Variants in TMEM171 observed in about 807,000 individuals in gnomAD.
The protein encoded by TMEM171 is transmembrane protein 171.
A neutral mutation model predicts 19.1 loss-of-function variants in TMEM171; 16 were observed. The ratio of observed to expected loss-of-function variants is 0.84; its 90% confidence interval spans 0.57 to 1.27. The LOEUF is 1.27. Among genes scored for constraint, TMEM171 ranks in the 50% most tolerant of loss-of-function variants. TMEM171 has a pLI of 0.00. For missense variants in TMEM171, 429 were observed against 412.7 expected, an observed-to-expected ratio of 1.04 and a Z score of -0.34; for synonymous variants, 153 against 163.4, an observed-to-expected ratio of 0.94 and a Z score of 0.48.
chr5:73,124,130 A>ATGTG (rs1744102624), intron 2 of TMEM171, 117 bp downstream of exon 2: 1 of 907,630 alleles, frequency 1.1e-6, no homozygotes, highest in Admixed American at 3.0e-5. Context: ...TCTCTCACAC[A>ATGTG]TGTGTGTGCA....
In TMEM171 at chr5:73,127,963, T is replaced by C. The variant is rs541988237; in HGVS notation, c.641-427T>C. Among the ~76,000 whole-genome samples the C allele has an allele frequency of 3.5e-4, 53 of 152,256 alleles. 1 individual carries two copies. The South Asian group carries it at 0.011, about 31-fold the overall frequency. On this transcript the variant is annotated intron_variant, in intron 2 of 3. Transcript: ENST00000454765. ...TAGCGCTGTGTTGCCCAGGCTGGTC[T>C]CCAACTCCTGGGCTCAAGCGATCCT...
At chr5:73,128,600 T>C (rs553604132) in intron 3 of TMEM171, 69 bp downstream of exon 3, 1 of 1,559,274 alleles carries the variant, frequency 6.4e-7, no homozygotes, top group African/African-American at 1.4e-5. Context: ...GGCTGTGTGG[T>C]TCACCAGGAG....
At position 73,123,583 on chromosome 5, in the gene TMEM171, G is replaced by A. The variant is rs7731777; in HGVS notation, c.210G>A (p.Gly70=). ...CGGGGCCTGCATGTGCCGTGGTTGG[G>A]CTTGGGGCTGTGATCCTGGCCCGCT... ...KVAGPACAVV[G]LGAVILARSR... is the part of the protein sequence containing the mutation. The change falls in exon 2 of 4, where the codon GGG becomes GGA. Residue 70 remains glycine (G), a synonymous_variant. Coordinates refer to ENST00000454765, the MANE Select transcript of TMEM171 (RefSeq NM_173490.8). The A allele has an allele frequency of 4.5e-4, 725 of 1,614,222 alleles. No homozygotes were observed. Among genetic ancestry groups the A allele is most frequent in the Non-Finnish European group, 5.8e-4 (679 of 1,180,046 alleles).
intron 1 of TMEM171, 108 bp downstream of exon 1, chr5:73,120,804 T>C: frequency 2.1e-6 from 2 of 944,366 alleles, no homozygotes; most frequent in Non-Finnish European, 2.5e-6. Context: ...GCGCTGGGTA[T>C]CCGAGCCCAA....
intron 1 of TMEM171, among the ~76,000 whole-genome samples, chr5:73,122,866 AAGTT>A (rs1183803811): frequency 6.6e-6 from 1 of 152,214 alleles, no homozygotes; most frequent in Non-Finnish European, 1.5e-5. Context: ...AGGAAATGGA[AAGTT>A]AGTTACTGAA....
chr5:73,124,457 T>C (rs1421136770), intron 2 of TMEM171, among the ~76,000 whole-genome samples: 1 of 152,226 alleles, frequency 6.6e-6, no homozygotes, highest in Admixed American at 6.5e-5. Flanking sequence ...TGTCACTAGC[T>C]GGCTGTCCTT....
intron 2 of TMEM171, among the ~76,000 whole-genome samples, chr5:73,127,736 C>A (rs368842756): frequency 7.1e-6 from 1 of 141,156 alleles, no homozygotes; most frequent in Admixed American, 7.1e-5. Context: ...TGAGCCACCA[C>A]GCCTGGCTTT....
At chr5:73,122,806 A>T (rs1009667020) in intron 1 of TMEM171, among the ~76,000 whole-genome samples, 1 of 152,226 alleles carries the variant, frequency 6.6e-6, no homozygotes, top group African/African-American at 2.4e-5. Flanking sequence ...TCTTTTGTAG[A>T]TGTAGCCTTA....
rs1203777299 is a variant in TMEM171, at chr5:73,127,381, AAAAAT to A, written c.641-1007_641-1003del. ...AAAAAATTTGTGGTAAAAAAAAAAA[AAAAAT>A]ATATATATATATATATATATAAAGC... On this transcript the variant is annotated intron_variant, in intron 2 of 3. Coordinates refer to ENST00000454765, the MANE Select transcript of TMEM171 (RefSeq NM_173490.8). 7.5e-3 allele frequency among the ~76,000 whole-genome samples: 690 copies of A among 92,286 alleles called. 18 individuals carry two copies. Among genetic ancestry groups the A allele is most frequent in the Middle Eastern group, 0.036 (7 of 196 alleles). 60.5% of individuals were successfully genotyped at this position (92,286 alleles called of 152,430 possible).
At chr5:73,121,558 A>C (rs992130179) in intron 1 of TMEM171, among the ~76,000 whole-genome samples, 9 of 152,192 alleles carry the variant, frequency 5.9e-5, no homozygotes, top group African/African-American at 1.9e-4. Context: ...CTTAATAAAA[A>C]ATGGGAAGAT....
At chr5:73,126,396 G>A (rs1744164765) in intron 2 of TMEM171, among the ~76,000 whole-genome samples, 1 of 152,208 alleles carries the variant, frequency 6.6e-6, no homozygotes, top group Admixed American at 6.5e-5. Context: ...AAGGGGAGAT[G>A]GAATTAATGC....
chr5:73,130,126 C>T (rs703872), intron 3 of TMEM171, among the ~76,000 whole-genome samples: 17,419 of 151,522 alleles, frequency 0.11, 1,846 homozygotes, highest in East Asian at 0.34. Context: ...CTGATGGTGG[C>T]GGTACAGTGA....
intron 3 of TMEM171, among the ~76,000 whole-genome samples, chr5:73,129,814 G>T (rs371171324): frequency 2.6e-5 from 4 of 152,192 alleles, no homozygotes; most frequent in African/African-American, 9.7e-5. Flanking sequence ...TGGGTGACTG[G>T]CTAAAGTCAG....
chr5:73,127,061 G>A (rs1377149814), intron 2 of TMEM171, among the ~76,000 whole-genome samples: 2 of 152,116 alleles, frequency 1.3e-5, no homozygotes, highest in Non-Finnish European at 1.5e-5. Context: ...ATCTGTATGG[G>A]TGAAATTTTG....
intron 2 of TMEM171, among the ~76,000 whole-genome samples, chr5:73,124,860 G>T (rs376776109): frequency 1.3e-5 from 2 of 152,198 alleles, no homozygotes; most frequent in Non-Finnish European, 1.5e-5. Context: ...AAACCCCATC[G>T]CTGTTCATTG....
chr5:73,128,354 C>T (rs1744235906), intron 2 of TMEM171, 36 bp from the exon 3 acceptor site: 1 of 1,596,206 alleles, frequency 6.3e-7, no homozygotes, highest in Non-Finnish European at 8.6e-7. Flanking sequence ...CCATTTATTA[C>T]CCACCTGTTG....
intron 1 of TMEM171, 76 bp downstream of exon 1, chr5:73,120,772 G>C (rs1451791347): frequency 8.2e-6 from 8 of 981,352 alleles, no homozygotes; most frequent in Non-Finnish European, 9.7e-6. Context: ...GGCTGGGCGC[G>C]GGGAGCCGCG....
intron 2 of TMEM171, among the ~76,000 whole-genome samples, chr5:73,127,743 C>CTTT (rs1227330280): frequency 7.3e-6 from 1 of 136,460 alleles, no homozygotes; most frequent in Admixed American, 7.5e-5. Flanking sequence ...CCACGCCTGG[C>CTTT]TTTTTTTTTT....
In TMEM171 at chr5:73,131,651, A is replaced by G; in HGVS notation, c.896A>G (p.Glu299Gly). Reference protein sequence around the residue: ...EASHTPHLPSELPPRYEEKEN... With the variant: ...EASHTPHLPSGLPPRYEEKEN... ...TCACACACTCCACATCTTCCATCTG[A>G]ATTGCCTCCTAGATATGAAGAAAAA... is the stretch of plus-strand genomic sequence containing the variant. The change falls in exon 4 of 4, where the codon GAA (glutamate) becomes GGA (glycine). Residue 299 changes from glutamate to glycine, a missense_variant. Physicochemically the swap from Glu to Gly is moderately conservative, Grantham distance 98. Coordinates refer to ENST00000454765, the MANE Select transcript of TMEM171 (RefSeq NM_173490.8). 1 of 1,613,890 alleles carries G rather than the reference A, an allele frequency of 6.2e-7. No homozygotes were observed. Among genetic ancestry groups the G allele is most frequent in the Non-Finnish European group, 8.5e-7 (1 of 1,179,954 alleles).
Sources: gnomAD v4.1 joint callset for allele counts (sites outside exome capture counted in the v4.1 genomes callset) on GRCh38, gnomAD v4.1.1 for gene constraint, MANE v1.5 for transcripts, NCBI Gene and HGNC (gene_info 2026-07-23, HGNC 2026-07-21) for gene names.